TAFA2: variants seen among roughly 807,000 people sequenced by gnomAD.
TAFA2 encodes chemokine-like protein TAFA-2.
In TAFA2, 7 loss-of-function variants were observed where a neutral mutation model predicts 18.8. The observed-to-expected ratio is 0.37, with a 90% CI of 0.21 to 0.70. The LOEUF (loss-of-function observed/expected upper bound fraction) is 0.70, where lower values mean the gene tolerates loss of function less well. Among genes scored for constraint, TAFA2 ranks in the 30% least tolerant of loss-of-function variants. The pLI is 0.53. For synonymous variants in TAFA2, 60 were observed against 54.2 expected (o/e 1.11, Z -0.47); for missense variants, 122 against 158.1 (o/e 0.77, Z 1.23).
At chr12:61,855,579 A>C (rs991786384) in intron 2 of TAFA2, among the ~76,000 whole-genome samples, 1 of 152,178 alleles carries the variant, frequency 6.6e-6, no homozygotes, top group African/African-American at 2.4e-5. Flanking sequence ...ATTTCATCTA[A>C]TAATATATTA....
intron 4 of TAFA2, among the ~76,000 whole-genome samples, chr12:61,742,027 C>T (rs945326368): frequency 1.4e-4 from 21 of 151,924 alleles, no homozygotes; most frequent in Non-Finnish European, 2.5e-4. Flanking sequence ...CTCCCGAGGC[C>T]GGGACTGCAA....
chr12:61,926,533 T>A (rs1264636554), intron 1 of TAFA2, among the ~76,000 whole-genome samples: 1 of 152,244 alleles, frequency 6.6e-6, no homozygotes, highest in African/African-American at 2.4e-5. Context: ...AATGCAAGGC[T>A]GGTCCAACAT....
intron 1 of TAFA2, among the ~76,000 whole-genome samples, chr12:61,990,254 G>A (rs902854596): frequency 4.0e-5 from 6 of 151,680 alleles, no homozygotes; most frequent in South Asian, 2.1e-4. Flanking sequence ...TCCAAACTGT[G>A]ACTATAACTA....
At chr12:61,784,083 C>A (rs1480594847) in intron 2 of TAFA2, among the ~76,000 whole-genome samples, 2 of 151,410 alleles carry the variant, frequency 1.3e-5, no homozygotes, top group East Asian at 2.0e-4. Flanking sequence ...GCTATGTTTT[C>A]TCCTGTGAGA....
intron 1 of TAFA2, among the ~76,000 whole-genome samples, chr12:62,102,277 T>A (rs1869243030): frequency 6.6e-6 from 1 of 152,210 alleles, no homozygotes; most frequent in Non-Finnish European, 1.5e-5. Context: ...TTGCTATTTT[T>A]AAAATATTTT....
intron 1 of TAFA2, among the ~76,000 whole-genome samples, chr12:62,183,209 C>T (rs1447694867): frequency 6.6e-6 from 1 of 152,084 alleles, no homozygotes; most frequent in Admixed American, 6.5e-5. Context: ...TACCTGTTCC[C>T]CCACCCCACA....
chr12:61,719,128 C>T (rs547892618), intron 4 of TAFA2, among the ~76,000 whole-genome samples: 10 of 152,256 alleles, frequency 6.6e-5, no homozygotes, highest in African/African-American at 2.4e-4. Flanking sequence ...TTGCCTTTGG[C>T]ATTCAACCTG....
In TAFA2 at chr12:61,809,834, C is replaced by A. The variant is rs1270420644; in HGVS notation, c.107-54810G>T. Among the ~76,000 whole-genome samples, 12 of 151,182 alleles carry A rather than the reference C, an allele frequency of 7.9e-5. 1 individual carries two copies. Among genetic ancestry groups the A allele is most frequent in the African/African-American group, 3.0e-4 (12 of 40,534 alleles). ...AGTCCTTCTCAGCTTTAACAGCCACCCCTAACATCGAAAGGGAAATCTCAA... is the reference window on the plus strand; with the variant it reads ...AGTCCTTCTCAGCTTTAACAGCCACACCTAACATCGAAAGGGAAATCTCAA... On this transcript the variant is annotated intron_variant, in intron 2 of 4. Transcript: ENST00000416284.
chr12:62,101,456 A>G (rs1350645002), intron 1 of TAFA2, among the ~76,000 whole-genome samples: 1 of 152,224 alleles, frequency 6.6e-6, no homozygotes, highest in African/African-American at 2.4e-5. Context: ...ATCATGCAAT[A>G]CTTGGTAACC....
At chr12:62,172,956 C>G (rs573938654) in intron 1 of TAFA2, among the ~76,000 whole-genome samples, 94 of 152,124 alleles carry the variant, frequency 6.2e-4, no homozygotes, top group African/African-American at 2.2e-3. Context: ...AACTATCTAA[C>G]CATAAAATGA....
At position 61,747,729 on chromosome 12, in the gene TAFA2, C is replaced by T. The variant is rs12817454; in HGVS notation, c.384+5893G>A. Among the ~76,000 whole-genome samples, 76 of 126,810 alleles carry T rather than the reference C, an allele frequency of 6.0e-4. No individual in the cohort carries two copies. In the Middle Eastern group the frequency reaches 0.015, roughly 26 times the overall value. The allele number at this position is 126,810 out of a possible 152,430, so 83.2% of individuals were successfully genotyped here. On this transcript the variant is annotated intron_variant, in intron 4 of 4. Transcript: ENST00000416284. ...GGGGACTGTTGTGGGGTGGGGGGAG[C>T]GGGGAGGGATAGCACTGGGAGATAT...
intron 1 of TAFA2, among the ~76,000 whole-genome samples, chr12:62,075,071 T>C (rs866689439): frequency 6.6e-6 from 1 of 152,220 alleles, no homozygotes; most frequent in Non-Finnish European, 1.5e-5. Flanking sequence ...TAAATGTTAT[T>C]ACATTTTCAG....
intron 2 of TAFA2, among the ~76,000 whole-genome samples, chr12:61,813,963 C>A (rs1448293023): frequency 2.6e-5 from 4 of 151,314 alleles, no homozygotes; most frequent in Non-Finnish European, 5.9e-5. Flanking sequence ...CAAATCCAGG[C>A]CTTGTGCTAA....
chr12:61,991,708 T>A (rs1369005270), intron 1 of TAFA2, among the ~76,000 whole-genome samples: 1 of 152,200 alleles, frequency 6.6e-6, no homozygotes, highest in African/African-American at 2.4e-5. Context: ...TTAAAAGATT[T>A]TTCTGTGCTT....
intron 1 of TAFA2, among the ~76,000 whole-genome samples, chr12:61,868,339 A>G (rs1437030373): frequency 6.6e-6 from 1 of 152,172 alleles, no homozygotes; most frequent in Admixed American, 6.5e-5. Context: ...TTCTTGCATT[A>G]ATCACTGGGG....
At chr12:61,755,529 C>T (rs1042198971) in intron 2 of TAFA2, among the ~76,000 whole-genome samples, 3 of 152,042 alleles carry the variant, frequency 2.0e-5, no homozygotes, top group African/African-American at 7.2e-5. Flanking sequence ...TATTCTTCTG[C>T]TCAGTTTCCC....
At chr12:61,874,824 T>C (rs764599325) in intron 1 of TAFA2, among the ~76,000 whole-genome samples, 65 of 152,090 alleles carry the variant, frequency 4.3e-4, no homozygotes, top group Non-Finnish European at 7.2e-4. Flanking sequence ...CTAAGCTACA[T>C]CACCATGCAT....
chr12:62,041,514 C>G (rs1242036893), intron 1 of TAFA2, among the ~76,000 whole-genome samples: 1 of 152,086 alleles, frequency 6.6e-6, no homozygotes, highest in African/African-American at 2.4e-5. Context: ...GCTGAAGAAA[C>G]CATTCACATA....
At chr12:61,977,885 A>T (rs1283277893) in intron 1 of TAFA2, among the ~76,000 whole-genome samples, 1 of 148,020 alleles carries the variant, frequency 6.8e-6, no homozygotes, top group African/African-American at 2.5e-5. Flanking sequence ...ATATCCTTTG[A>T]TTGTGAAGGG....
Sources: gnomAD v4.1 joint callset for allele counts (sites outside exome capture counted in the v4.1 genomes callset) on GRCh38, gnomAD v4.1.1 for gene constraint, MANE v1.5 for transcripts, NCBI Gene and HGNC (gene_info 2026-07-23, HGNC 2026-07-21) for gene names.